CD99: variants seen among roughly 807,000 people sequenced by gnomAD.
CD99 encodes CD99 antigen.
Under a neutral mutation model 28.4 loss-of-function variants are expected in CD99, and 19 were observed. That is an observed-to-expected ratio of 0.67 (90% CI 0.47 to 0.98). The LOEUF is 0.98. Ranked by LOEUF, CD99 falls within the 50% of genes least tolerant of loss-of-function variation. The pLI is 0.00. For missense variants in CD99, 283 were observed against 248.8 expected, an observed-to-expected ratio of 1.14 and a Z score of -0.92; for synonymous variants, 103 against 92.1, an observed-to-expected ratio of 1.12 and a Z score of -0.67.
intron 1 of CD99, among the ~76,000 whole-genome samples, chrX:2,712,883 A>G (rs2048487696): frequency 6.6e-6 from 1 of 152,108 alleles, no homozygotes; most frequent in Non-Finnish European, 1.5e-5. Flanking sequence ...ACACGTGCAC[A>G]CAACTACATG....
At position 2,691,309 on chromosome X, in the gene CD99, C is replaced by T; in HGVS notation, c.-52C>T. 6.8e-7 allele frequency: 1 copy of T among 1,468,414 alleles called. No individual in the cohort carries two copies. Among genetic ancestry groups the T allele is most frequent in the South Asian group, 1.3e-5 (1 of 78,872 alleles). 91.0% of individuals were successfully genotyped at this position (1,468,414 alleles called of 1,614,324 possible). A position where few individuals can be genotyped will look rare whatever the true frequency, so the allele number is the denominator to read the frequency against. Reference sequence around the variant, plus strand: ...CGTGGGGGAGTATCTGTCCTGCCGCCTTCGCCCACGCCCTGCACTCCGGGA... The same window carrying T: ...CGTGGGGGAGTATCTGTCCTGCCGCTTTCGCCCACGCCCTGCACTCCGGGA... On this transcript the variant is annotated 5_prime_UTR_variant, in exon 1 of 10. Transcript: ENST00000381192.
At chrX:2,740,192 A>T (rs186283494) in intron 9 of CD99, among the ~76,000 whole-genome samples, 164 of 152,298 alleles carry the variant, frequency 1.1e-3, no homozygotes, top group African/African-American at 3.7e-3. Flanking sequence ...TTAAAGAGAA[A>T]AGGAAGATTC....
At chrX:2,714,554 C>G (rs184507995) in intron 2 of CD99, 100 bp downstream of exon 2, 1 of 1,018,794 alleles carries the variant, frequency 9.8e-7, no homozygotes, top group Non-Finnish European at 1.5e-6. Flanking sequence ...TCTAGACCAC[C>G]GCAATAACAG....
chrX:2,726,433 T>G (rs764489054), intron 8 of CD99, 60 bp downstream of exon 8: 3 of 1,139,132 alleles, frequency 2.6e-6, no homozygotes, highest in Non-Finnish European at 4.0e-6. Flanking sequence ...AACTGTGCTT[T>G]CTTTAAAAGG....
At chrX:2,731,397 C>T (rs1026966496) in intron 8 of CD99, among the ~76,000 whole-genome samples, 1 of 152,212 alleles carries the variant, frequency 6.6e-6, no homozygotes, top group African/African-American at 2.4e-5. Flanking sequence ...TGAGACCAGC[C>T]TGGCCAACAT....
intron 8 of CD99, among the ~76,000 whole-genome samples, chrX:2,730,604 C>T (rs191122865): frequency 4.6e-4 from 70 of 152,146 alleles, no homozygotes; most frequent in African/African-American, 1.6e-3. Context: ...TATTCTGATG[C>T]CAAATTAACA....
At chrX:2,691,860 G>C (rs370305150) in intron 1 of CD99, 2 of 778,744 alleles carry the variant, frequency 2.6e-6, no homozygotes, top group South Asian at 1.3e-5. Flanking sequence ...CACGCCCTGC[G>C]TCCCGGGCCT....
At chrX:2,696,354 G>A (rs2047571982) in intron 1 of CD99, among the ~76,000 whole-genome samples, 1 of 152,176 alleles carries the variant, frequency 6.6e-6, no homozygotes, top group South Asian at 2.1e-4. Context: ...TGTAGCTGCA[G>A]GCTGCAGGCT....
rs1457698723 is a variant in CD99, at chrX:2,728,658, G to A, written c.475+2285G>A. On this transcript the variant is annotated intron_variant, in intron 8 of 9. Coordinates refer to ENST00000381192, the MANE Select transcript of CD99 (RefSeq NM_002414.5). ...TTGCTTCTTCTAGAAGTAGCGGAGG[G>A]GTTAAAACAGTAGGGACTCAATGGA... Among the ~76,000 whole-genome samples, 6 of 152,050 alleles carry A rather than the reference G, an allele frequency of 3.9e-5. No homozygotes were observed. In the East Asian group the frequency reaches 1.2e-3, roughly 29 times the overall value.
chrX:2,724,330 G>A (rs1370343155), intron 7 of CD99, among the ~76,000 whole-genome samples: 2 of 152,036 alleles, frequency 1.3e-5, no homozygotes, highest in African/African-American at 4.8e-5. Context: ...AAAACTGGCC[G>A]AGTGAACACA....
At chrX:2,703,848 G>A (rs552289110) in intron 1 of CD99, among the ~76,000 whole-genome samples, 18 of 152,054 alleles carry the variant, frequency 1.2e-4, no homozygotes, top group African/African-American at 3.9e-4. Flanking sequence ...GTGTTTCCAC[G>A]TTAGCCTTGG....
At chrX:2,693,597 C>T (rs2047434337) in intron 1 of CD99, among the ~76,000 whole-genome samples, 1 of 152,166 alleles carries the variant, frequency 6.6e-6, no homozygotes, top group Admixed American at 6.5e-5. Context: ...TAGCAACGTG[C>T]ATCAGGCTGC....
intron 1 of CD99, among the ~76,000 whole-genome samples, chrX:2,711,233 T>A (rs1351095523): frequency 6.8e-6 from 1 of 147,736 alleles, no homozygotes; most frequent in Non-Finnish European, 1.5e-5. Context: ...TATATATATA[T>A]AATATATATA....
chrX:2,717,460 G>A (rs2048783794), intron 2 of CD99, 145 bp from the exon 3 acceptor site: 1 of 676,446 alleles, frequency 1.5e-6, no homozygotes. Flanking sequence ...ATAAACCTCA[G>A]CTCGGTGTGG....
At chrX:2,695,630 A>G (rs1415617025) in intron 1 of CD99, among the ~76,000 whole-genome samples, 2 of 147,534 alleles carry the variant, frequency 1.4e-5, no homozygotes, top group East Asian at 3.9e-4. Context: ...CAGACTGAAA[A>G]AAAAGTCTTT....
rs556444956 is a variant in CD99 at position 2,703,605 on chromosome X, AGTGTGTGTGTGT to A, written c.68-10782_68-10771del. Among the ~76,000 whole-genome samples the A allele has an allele frequency of 4.0e-3, 559 of 138,492 alleles. 1 individual carries two copies. The highest frequency in any genetic ancestry group is 0.012 in the African/African-American group (460 of 37,362). 90.9% of individuals were successfully genotyped at this position (138,492 alleles called of 152,430 possible). On this transcript the variant is annotated intron_variant, in intron 1 of 9. Transcript: ENST00000381192. ...CTGTAATTAACAAACCGAGCTGTTA[AGTGTGTGTGTGT>A]GTGTGTGTGTGTGTGTGTGTGTGTG...
intron 8 of CD99, among the ~76,000 whole-genome samples, chrX:2,727,828 G>A (rs1447036137): frequency 6.6e-6 from 1 of 152,172 alleles, no homozygotes; most frequent in East Asian, 1.9e-4. Flanking sequence ...GCCTCTGGGT[G>A]TCTGAACTTC....
intron 1 of CD99, among the ~76,000 whole-genome samples, chrX:2,711,230 A>G (rs2048388241): frequency 6.8e-6 from 1 of 147,694 alleles, no homozygotes; most frequent in South Asian, 2.1e-4. Context: ...GTCTATATAT[A>G]TATAATATAT....
At chrX:2,698,398 G>A (rs923157874) in intron 1 of CD99, among the ~76,000 whole-genome samples, 5 of 151,130 alleles carry the variant, frequency 3.3e-5, no homozygotes, top group Middle Eastern at 3.3e-3. Context: ...TGAACTCCTG[G>A]GCTCAAGCAA....
Sources: gnomAD v4.1 joint callset for allele counts (sites outside exome capture counted in the v4.1 genomes callset) on GRCh38, gnomAD v4.1.1 for gene constraint, MANE v1.5 for transcripts, NCBI Gene and HGNC (gene_info 2026-07-23, HGNC 2026-07-21) for gene names.